Variants in GPR39 observed in about 807,000 individuals in gnomAD.
GPR39 encodes zinc sensing receptor.
A neutral mutation model predicts 18.4 loss-of-function variants in GPR39; 23 were observed. That is an observed-to-expected ratio of 1.25 (90% CI 0.90 to 1.77). The LOEUF (loss-of-function observed/expected upper bound fraction) is 1.77. GPR39 is among the 40% of genes most tolerant of loss of function. GPR39 has a pLI of 0.00. For synonymous variants in GPR39, 280 were observed against 257.9 expected, an observed-to-expected ratio of 1.09 and a Z score of -0.82; for missense variants, 647 against 602.4, an observed-to-expected ratio of 1.07 and a Z score of -0.78.
chr2:132,432,694 AC>A (rs1405583624), intron 1 of GPR39, among the ~76,000 whole-genome samples: 1 of 152,346 alleles, frequency 6.6e-6, no homozygotes, highest in Admixed American at 6.5e-5. Context: ...ACCAGAAAGT[AC>A]AAAAATTTAA....
intron 1 of GPR39, among the ~76,000 whole-genome samples, chr2:132,443,429 T>C (rs1289877276): frequency 6.6e-6 from 1 of 152,234 alleles, no homozygotes; most frequent in Non-Finnish European, 1.5e-5. Context: ...CCATTCTTTT[T>C]TTCACTTTCA....
At chr2:132,532,397 G>A (rs905678521) in intron 1 of GPR39, among the ~76,000 whole-genome samples, 8 of 152,156 alleles carry the variant, frequency 5.3e-5, no homozygotes, top group Non-Finnish European at 1.2e-4. Flanking sequence ...TGGATTCACA[G>A]CCGAATTCTA....
At chr2:132,578,023 A>G in intron 1 of GPR39, among the ~76,000 whole-genome samples, 1 of 149,394 alleles carries the variant, frequency 6.7e-6, no homozygotes, top group East Asian at 2.0e-4. Context: ...GTAGATTATC[A>G]TTATCAAGTT....
chr2:132,473,612 T>C (rs1244286594), intron 1 of GPR39, among the ~76,000 whole-genome samples: 1 of 152,194 alleles, frequency 6.6e-6, no homozygotes, highest in Non-Finnish European at 1.5e-5. Flanking sequence ...CCAGAGTCCA[T>C]GCTAATCTGC....
intron 1 of GPR39, among the ~76,000 whole-genome samples, chr2:132,451,686 C>G (rs1680635261): frequency 6.6e-6 from 1 of 152,050 alleles, no homozygotes; most frequent in Non-Finnish European, 1.5e-5. Context: ...TTAGGATTTA[C>G]CTTTGGGCTG....
intron 1 of GPR39, among the ~76,000 whole-genome samples, chr2:132,535,370 T>C (rs1302907394): frequency 3.9e-5 from 6 of 152,234 alleles, no homozygotes; most frequent in African/African-American, 7.2e-5. Flanking sequence ...ATTACATTTA[T>C]TGATTTGTGT....
intron 1 of GPR39, among the ~76,000 whole-genome samples, chr2:132,559,964 G>A (rs1680220643): frequency 6.6e-6 from 1 of 152,076 alleles, no homozygotes; most frequent in Non-Finnish European, 1.5e-5. Flanking sequence ...GCTGGGTGGA[G>A]GAAGGGGAGG....
intron 1 of GPR39, among the ~76,000 whole-genome samples, chr2:132,615,746 G>C (rs1262000105): frequency 2.0e-5 from 3 of 152,240 alleles, no homozygotes; most frequent in East Asian, 1.9e-4. Flanking sequence ...CTACTTTTTA[G>C]AGGTTCACTT....
chr2:132,496,957 A>G (rs1573632217), intron 1 of GPR39, among the ~76,000 whole-genome samples: 1 of 152,230 alleles, frequency 6.6e-6, no homozygotes, highest in East Asian at 1.9e-4. Context: ...TGATTTTTAA[A>G]ATATCCACTT....
chr2:132,447,273 A>G (rs1680553419), intron 1 of GPR39, among the ~76,000 whole-genome samples: 1 of 152,224 alleles, frequency 6.6e-6, no homozygotes, highest in Admixed American at 6.5e-5. Flanking sequence ...TCCAGAGCCT[A>G]GGAGCTATTA....
chr2:132,438,884 C>A (rs1680382074), intron 1 of GPR39, among the ~76,000 whole-genome samples: 1 of 152,172 alleles, frequency 6.6e-6, no homozygotes, highest in Non-Finnish European at 1.5e-5. Context: ...GCTTCCATGG[C>A]TGTCGGAATT....
At chr2:132,469,687 G>T (rs147077400) in intron 1 of GPR39, among the ~76,000 whole-genome samples, 4 of 152,234 alleles carry the variant, frequency 2.6e-5, no homozygotes, top group South Asian at 2.1e-4. Context: ...CTTCACTCCC[G>T]CAGGGAGGGT....
intron 1 of GPR39, among the ~76,000 whole-genome samples, chr2:132,510,782 T>G (rs527903918): frequency 6.6e-6 from 1 of 152,342 alleles, no homozygotes; most frequent in Admixed American, 6.5e-5. Context: ...ACAAAATGAA[T>G]GAGGAGTGTA....
chr2:132,595,517 G>A (rs529147661), intron 1 of GPR39, among the ~76,000 whole-genome samples: 31 of 152,002 alleles, frequency 2.0e-4, no homozygotes, highest in Non-Finnish European at 2.8e-4. Context: ...AAGACCTGGG[G>A]GAACAGATCA....
intron 1 of GPR39, among the ~76,000 whole-genome samples, chr2:132,622,181 G>A (rs1453273460): frequency 6.6e-6 from 1 of 152,148 alleles, no homozygotes; most frequent in Non-Finnish European, 1.5e-5. Flanking sequence ...ATCACTTGAA[G>A]TCAGGAGTTC....
At chr2:132,504,892 C>T (rs749373841) in intron 1 of GPR39, among the ~76,000 whole-genome samples, 23 of 152,272 alleles carry the variant, frequency 1.5e-4, no homozygotes, top group East Asian at 1.9e-4. Flanking sequence ...ATTGTGTACA[C>T]GACCTATTCT....
chr2:132,472,129 A>G (rs1427172101), intron 1 of GPR39, among the ~76,000 whole-genome samples: 2 of 152,204 alleles, frequency 1.3e-5, no homozygotes, highest in African/African-American at 2.4e-5. Flanking sequence ...TGTTTGGTCC[A>G]TGCACAGCCT....
At chr2:132,527,427 A>C (rs1679534008) in intron 1 of GPR39, among the ~76,000 whole-genome samples, 1 of 152,206 alleles carries the variant, frequency 6.6e-6, no homozygotes, top group Admixed American at 6.5e-5. Flanking sequence ...TTATAGTAGA[A>C]TGATTTACGT....
chr2:132,618,983 C>T (rs1033605993), intron 1 of GPR39, among the ~76,000 whole-genome samples: 4 of 152,122 alleles, frequency 2.6e-5, no homozygotes, highest in Non-Finnish European at 2.9e-5. Context: ...TCCTGGGAGT[C>T]GGCAGGCCTG....
Sources: allele counts gnomAD v4.1 joint callset (sites outside exome capture counted in the v4.1 genomes callset), GRCh38; gene constraint gnomAD v4.1.1; transcripts MANE v1.5; gene names NCBI Gene and HGNC (gene_info 2026-07-23, HGNC 2026-07-21).